CWF19L2: variants seen among roughly 807,000 people sequenced by gnomAD.
The protein encoded by CWF19L2 is CWF19-like protein 2.
A neutral mutation model predicts 111.7 loss-of-function variants in CWF19L2; 98 were observed. The ratio of observed to expected loss-of-function variants is 0.88; its 90% CI spans 0.75 to 1.04. The LOEUF (loss-of-function observed/expected upper bound fraction) is 1.04, where lower values mean the gene tolerates loss of function less well. Among genes scored for constraint, CWF19L2 ranks in the 50% least tolerant of loss-of-function variants. The pLI, the probability that CWF19L2 is intolerant of heterozygous loss-of-function variation, is 0.00. For missense variants in CWF19L2, 1,101 were observed against 1,051.4 expected (o/e 1.05, Z -0.65); for synonymous variants, 351 against 342.9 (o/e 1.02, Z -0.26).
intron 10 of CWF19L2, among the ~76,000 whole-genome samples, chr11:107,406,749 GTTTTTAAAA>G (rs1240324871): frequency 6.7e-6 from 1 of 149,588 alleles, no homozygotes; most frequent in African/African-American, 2.5e-5. Flanking sequence ...AAACTCTTGG[GTTTTTAAAA>G]AATCATTTCT....
rs976862270 is a variant in CWF19L2, at chr11:107,454,524, C to T, written c.265G>A (p.Ala89Thr). The T allele has an allele frequency of 1.4e-6, 2 of 1,465,026 alleles. No homozygotes were observed. The highest frequency in any genetic ancestry group is 1.8e-6 in the Non-Finnish European group (2 of 1,112,352). 90.8% of individuals were successfully genotyped at this position (1,465,026 alleles called of 1,614,324 possible). A position where few individuals can be genotyped will look rare whatever the true frequency, so the allele number is the denominator to read the frequency against. The change falls in exon 3 of 18, where the codon GCA (alanine) becomes ACA (threonine). Residue 89 changes from alanine (A) to threonine (T), a missense_variant. Ala to Thr is a moderately conservative substitution (Grantham distance 58). Transcript: ENST00000282251. ...CTCTTTTTTTTCTTTTCTTTCTTTGCTTTTTTTGAATGCTTGTCTTTTTTC... is the reference window on the plus strand; with the variant it reads ...CTCTTTTTTTTCTTTTCTTTCTTTGTTTTTTTTGAATGCTTGTCTTTTTTC... ...KKKKDKHSKK[A>T]KKEKKKKSKK...
chr11:107,393,339 T>C (rs1860876168), intron 10 of CWF19L2, among the ~76,000 whole-genome samples: 1 of 152,194 alleles, frequency 6.6e-6, no homozygotes, highest in Non-Finnish European at 1.5e-5. Flanking sequence ...ATTCTTTCTA[T>C]TAATAGCCTT....
At position 107,353,625 on chromosome 11, in the gene CWF19L2, T is replaced by C. The variant is rs868056823; in HGVS notation, c.1984A>G (p.Ile662Val). ...GCAGCAAGACTCCGATGCTCAGCAA[T>C]AGCTTTTTTCCTTTGGTTCTCTTCC... ...EEEENQRKKAIAEHRSLAAQM... is the reference protein window; with the variant it reads ...EEEENQRKKAVAEHRSLAAQM... Residue 662 changes from isoleucine (I) to valine (V), a missense_variant, in exon 13 of 18, where the codon ATT (isoleucine) becomes GTT (valine). Coordinates refer to ENST00000282251, the MANE Select transcript of CWF19L2 (RefSeq NM_152434.3). 13 of 1,613,832 alleles carry C rather than the reference T, an allele frequency of 8.1e-6. No homozygotes were observed. Among genetic ancestry groups the C allele is most frequent in the African/African-American group, 6.7e-5 (5 of 75,040 alleles).
chr11:107,332,039 GA>G (rs1347852411), intron 16 of CWF19L2, among the ~76,000 whole-genome samples: 2 of 152,156 alleles, frequency 1.3e-5, no homozygotes, highest in East Asian at 3.9e-4. Context: ...ATTTATGGTA[GA>G]AAAATAGACA....
At chr11:107,427,226 T>TTTTTTC (rs201390512) in intron 8 of CWF19L2, among the ~76,000 whole-genome samples, 2 of 61,718 alleles carry the variant, frequency 3.2e-5, no homozygotes, top group African/African-American at 1.7e-4. Flanking sequence ...CTCAGGAATC[T>TTTTTTC]TTTTTTTTGG....
At chr11:107,353,253 G>A (rs1860183725) in intron 13 of CWF19L2, among the ~76,000 whole-genome samples, 1 of 151,844 alleles carries the variant, frequency 6.6e-6, no homozygotes, top group Admixed American at 6.6e-5. Flanking sequence ...GCAGATATTA[G>A]GTATACAAAA....
chr11:107,408,274 C>A (rs1328542939), intron 10 of CWF19L2, among the ~76,000 whole-genome samples: 3 of 151,664 alleles, frequency 2.0e-5, no homozygotes, highest in Non-Finnish European at 4.4e-5. Context: ...ATTAAGATCT[C>A]AAGGATATAC....
chr11:107,444,277 T>C (rs1357118472), intron 3 of CWF19L2, among the ~76,000 whole-genome samples: 2 of 152,128 alleles, frequency 1.3e-5, no homozygotes, highest in East Asian at 1.9e-4. Context: ...ATACATCTAC[T>C]GTCCCCATTA....
intron 11 of CWF19L2, 49 bp downstream of exon 11, chr11:107,392,730 G>T: frequency 1.8e-6 from 2 of 1,134,628 alleles, no homozygotes; most frequent in Non-Finnish European, 2.6e-6. Context: ...AAGCCCCAAG[G>T]GGAAGAAGGA....
chr11:107,396,279 A>C (rs1408428698), intron 10 of CWF19L2, among the ~76,000 whole-genome samples: 1 of 152,236 alleles, frequency 6.6e-6, no homozygotes, highest in Non-Finnish European at 1.5e-5. Context: ...TTTTCATAAG[A>C]ATGCCAAATG....
chr11:107,354,511 T>A (rs1591158310), intron 12 of CWF19L2, among the ~76,000 whole-genome samples: 1 of 152,298 alleles, frequency 6.6e-6, no homozygotes, highest in East Asian at 1.9e-4. Context: ...AGTTTTAGAT[T>A]TCCAATTTTT....
intron 8 of CWF19L2, among the ~76,000 whole-genome samples, chr11:107,420,878 A>G (rs1861294176): frequency 6.6e-6 from 1 of 152,106 alleles, no homozygotes; most frequent in Admixed American, 6.6e-5. Flanking sequence ...CCATGGATAA[A>G]GGGGGACTAC....
Position 107,370,970 on chromosome 11 carries a change from C to T in CWF19L2, c.1873-17234G>A, listed in dbSNP as rs1425873828. Among the ~76,000 whole-genome samples, 2 of 133,900 alleles carry T rather than the reference C, an allele frequency of 1.5e-5. 1 individual carries two copies. The highest frequency in any genetic ancestry group is 5.1e-4 in the South Asian group (2 of 3,932). The allele number at this position is 133,900 out of a possible 152,430, so 87.8% of individuals were successfully genotyped here. On this transcript the variant is annotated intron_variant, in intron 12 of 17. Coordinates refer to ENST00000282251, the MANE Select transcript of CWF19L2 (RefSeq NM_152434.3). ...CTATTTAACAAAAATTATTCTTTTT[C>T]GAGAAAACTGCTATTTCACGATGTT...
intron 11 of CWF19L2, among the ~76,000 whole-genome samples, chr11:107,391,848 C>G (rs1041955083): frequency 3.9e-5 from 6 of 152,192 alleles, no homozygotes; most frequent in African/African-American, 1.4e-4. Context: ...TTCTGGCCCT[C>G]TTGTCTTTTC....
Position 107,373,201 on chromosome 11 carries a change from C to A in CWF19L2, c.1872+16873G>T, listed in dbSNP as rs1860541232. On this transcript the variant is annotated intron_variant, in intron 12 of 17. Transcript: ENST00000282251. ...CGGCAGCGAGGCTAGGGGAGGGGCG[C>A]CTGCCATTGCCCAGGCTTGCTCAGG... Among the ~76,000 whole-genome samples, 2 of 129,786 alleles carry A rather than the reference C, an allele frequency of 1.5e-5. 1 individual carries two copies. Among genetic ancestry groups the A allele is most frequent in the Non-Finnish European group, 3.2e-5 (2 of 62,044 alleles). The allele number at this position is 129,786 out of a possible 152,430, so 85.1% of individuals were successfully genotyped here. A position where few individuals can be genotyped will look rare whatever the true frequency, so the allele number is the denominator to read the frequency against.
rs527952477 is a variant in CWF19L2 at position 107,329,020 on chromosome 11, G to A, written c.2541+898C>T. On this transcript the variant is annotated intron_variant, in intron 17 of 17. Transcript: ENST00000282251. The stretch of plus-strand genomic sequence containing the variant: ...GATATTTCTACTCATTGCAGAAGAT[G>A]TTCCTCTGCAGGAGATGAAAGTGGG... Among the ~76,000 whole-genome samples the A allele has an allele frequency of 4.5e-4, 68 of 152,294 alleles. 1 individual carries two copies. Among genetic ancestry groups the A allele is most frequent in the African/African-American group, 1.6e-3 (67 of 41,564 alleles).
intron 13 of CWF19L2, among the ~76,000 whole-genome samples, chr11:107,351,836 T>G (rs932806427): frequency 6.6e-6 from 1 of 152,180 alleles, no homozygotes; most frequent in Non-Finnish European, 1.5e-5. Context: ...CTAATTCTGT[T>G]GGAACAAGCC....
At chr11:107,431,375 C>T (rs1861463526) in intron 7 of CWF19L2, among the ~76,000 whole-genome samples, 1 of 151,720 alleles carries the variant, frequency 6.6e-6, no homozygotes, top group Non-Finnish European at 1.5e-5. Flanking sequence ...ATAAAAATAA[C>T]CTCAATGGCA....
rs997321023 is a variant in CWF19L2 at position 107,378,845 on chromosome 11, C to CA, written c.1872+11228dup. On this transcript the variant is annotated intron_variant, in intron 12 of 17. Coordinates refer to ENST00000282251, the MANE Select transcript of CWF19L2 (RefSeq NM_152434.3). ...TAAAGTCAATAAATATATATTGTAA[C>CA]AAAAAAAAAGAAAGATAGCATCGAT... 1.1e-4 allele frequency among the ~76,000 whole-genome samples: 16 copies of CA among 139,718 alleles called. No individual in the cohort carries two copies. The East Asian group carries it at 2.9e-3, about 26-fold the overall frequency. 91.7% of individuals were successfully genotyped at this position (139,718 alleles called of 152,430 possible).
Sources: gnomAD v4.1 joint callset for allele counts (sites outside exome capture counted in the v4.1 genomes callset) on GRCh38, gnomAD v4.1.1 for gene constraint, MANE v1.5 for transcripts, NCBI Gene and HGNC (gene_info 2026-07-23, HGNC 2026-07-21) for gene names.